ESYT3: variants seen among roughly 807,000 people sequenced by gnomAD.
The protein encoded by ESYT3 is extended synaptotagmin-3.
In ESYT3, 101 loss-of-function variants were observed where a neutral mutation model predicts 111.5. The ratio of observed to expected loss-of-function variants is 0.91; its 90% CI spans 0.77 to 1.07. The LOEUF is 1.07. Among genes scored for constraint, ESYT3 ranks in the 50% least tolerant of loss-of-function variants. The pLI is 0.00. For missense variants in ESYT3, 1,097 were observed against 1,109.4 expected, an observed-to-expected ratio of 0.99 and a Z score of 0.16; for synonymous variants, 416 against 446.8, an observed-to-expected ratio of 0.93 and a Z score of 0.87.
intron 1 of ESYT3, among the ~76,000 whole-genome samples, chr3:138,451,243 C>T (rs1447297401): frequency 6.6e-6 from 1 of 152,116 alleles, no homozygotes. Flanking sequence ...GGGTTGTGAC[C>T]CCGTAGTTGG....
chr3:138,445,253 T>C (rs2031458558), intron 1 of ESYT3, among the ~76,000 whole-genome samples: 3 of 152,364 alleles, frequency 2.0e-5, no homozygotes, highest in African/African-American at 7.2e-5. Flanking sequence ...TCAGTGATTT[T>C]AGGGCTCAGT....
intron 1 of ESYT3, among the ~76,000 whole-genome samples, chr3:138,450,401 C>G (rs942790187): frequency 6.6e-6 from 1 of 152,196 alleles, no homozygotes; most frequent in African/African-American, 2.4e-5. Flanking sequence ...CTGAACTGAG[C>G]TCCTGCCCAC....
chr3:138,473,250 G>A, intron 18 of ESYT3: 1 of 779,064 alleles, frequency 1.3e-6, no homozygotes, highest in Non-Finnish European at 1.8e-6. Context: ...AACCCTACAA[G>A]ATGGAACTAT....
In ESYT3 at chr3:138,459,126, C is replaced by T. The variant is rs531646765; in HGVS notation, c.582-61C>T. The T allele has an allele frequency of 3.1e-5, 43 of 1,389,902 alleles. No homozygotes were observed. In the African/African-American group the frequency reaches 4.8e-4, roughly 15 times the overall value. 86.1% of individuals were successfully genotyped at this position (1,389,902 alleles called of 1,614,324 possible). ...GTGTGACACTGGGCAAGTTTCCCAA[C>T]CTTTCTGAGCAAGTGGACCTACCCC... On this transcript the variant is annotated intron_variant, in intron 4 of 22. Transcript: ENST00000389567.
intron 20 of ESYT3, chr3:138,474,780 G>A (rs908175894): frequency 3.2e-5 from 5 of 154,312 alleles, no homozygotes; most frequent in African/African-American, 1.2e-4. Flanking sequence ...TAGGTGATGG[G>A]TAGAGGAGAT....
In ESYT3 at chr3:138,472,856, T is replaced by C. The variant is rs201810544; in HGVS notation, c.2234T>C (p.Ile745Thr). Residue 745 changes from isoleucine (I) to threonine (T), a missense_variant, in exon 18 of 23, where the codon ATT becomes ACT. By Grantham distance (89) the Ile-to-Thr change is moderately conservative. Coordinates refer to ENST00000389567, the MANE Select transcript of ESYT3 (RefSeq NM_031913.5). Reference protein sequence around the residue: ...CFDLADISLNIEGGDLRRRQL... With the variant: ...CFDLADISLNTEGGDLRRRQL... Reference sequence around the variant, plus strand: ...GACCTGGCAGATATCAGCCTCAACATTGAGTATGCACCTCTCTGCTTAATC... The same window carrying C: ...GACCTGGCAGATATCAGCCTCAACACTGAGTATGCACCTCTCTGCTTAATC... 3.7e-4 allele frequency: 599 copies of C among 1,613,580 alleles called. 2 individuals are homozygous for C. Among genetic ancestry groups the C allele is most frequent in the Non-Finnish European group, 4.3e-4 (513 of 1,179,802 alleles).
At chr3:138,468,933 T>G in intron 14 of ESYT3, 52 bp downstream of exon 14, 5 of 1,577,982 alleles carry the variant, frequency 3.2e-6, no homozygotes, top group Non-Finnish European at 4.4e-6. Context: ...ACAGCTTCTC[T>G]CCCCAGAGTA....
intron 4 of ESYT3, 46 bp from the exon 5 acceptor site, chr3:138,459,141 G>T: frequency 1.4e-6 from 2 of 1,442,898 alleles, no homozygotes; most frequent in Non-Finnish European, 1.9e-6. Flanking sequence ...CTGAGCAAGT[G>T]GACCTACCCC....
chr3:138,443,982 T>C (rs2031355123), intron 1 of ESYT3, among the ~76,000 whole-genome samples: 1 of 152,196 alleles, frequency 6.6e-6, no homozygotes, highest in African/African-American at 2.4e-5. Flanking sequence ...TCTGGCTCCA[T>C]TTCCTCACTG....
chr3:138,437,324 T>G (rs918905821), intron 1 of ESYT3, among the ~76,000 whole-genome samples: 2 of 152,070 alleles, frequency 1.3e-5, no homozygotes, highest in African/African-American at 4.8e-5. Context: ...CAGCCCCCTT[T>G]CTCCTTGACA....
chr3:138,476,241 C>T lies in ESYT3; in HGVS notation c.2487C>T (p.Pro829=). 1 of 1,611,980 alleles carries T rather than the reference C, an allele frequency of 6.2e-7. No homozygotes were observed. The highest frequency in any genetic ancestry group is 8.5e-7 in the Non-Finnish European group (1 of 1,178,640). Residue 829 remains proline, a synonymous_variant, in exon 21 of 23, where the codon CCC becomes CCT. Coordinates refer to ENST00000389567, the MANE Select transcript of ESYT3 (RefSeq NM_031913.5). ...CCTAAAGATTTGAATTTTTTGTTCC[C>T]ATGGAAGAAGTAAAGAAGAGGTCAC... is the stretch of plus-strand genomic sequence containing the variant. The part of the protein sequence containing the change: ...LFDETFEFFV[P]MEEVKKRSLD...
intron 1 of ESYT3, among the ~76,000 whole-genome samples, chr3:138,437,891 G>A (rs1191689348): frequency 6.6e-6 from 1 of 152,140 alleles, no homozygotes; most frequent in East Asian, 1.9e-4. Flanking sequence ...TGAGAAACAG[G>A]TCTGGGGAGG....
chr3:138,462,865 G>A (rs112941412), intron 8 of ESYT3, among the ~76,000 whole-genome samples: 2,023 of 152,176 alleles, frequency 0.013, 18 homozygotes, highest in Non-Finnish European at 0.02. Context: ...GTTTTGCCAC[G>A]TTGGCCAGGC....
Position 138,434,851 on chromosome 3 carries a change from A to AG in ESYT3, c.54dup (p.Arg19AlafsTer73). 1 of 1,549,970 alleles carries AG rather than the reference A, an allele frequency of 6.5e-7. No individual in the cohort carries two copies. Among genetic ancestry groups the AG allele is most frequent in the African/African-American group, 1.4e-5 (1 of 73,118 alleles). On this transcript the variant is annotated frameshift_variant, in exon 1 of 23. Coordinates refer to ENST00000389567, the MANE Select transcript of ESYT3 (RefSeq NM_031913.5). LOFTEE classifies it high-confidence loss of function. Reference sequence around the variant, plus strand: ...GGGGCCCCCAGCGCCCTGGGAGCCCAGCGCACGCCGGGCCCCGAGCTGCGC... The same window carrying AG: ...GGGGCCCCCAGCGCCCTGGGAGCCCAGGCGCACGCCGGGCCCCGAGCTGCGC...
At chr3:138,476,750 G>T in intron 22 of ESYT3, 68 bp from the exon 23 acceptor site, 1 of 1,482,462 alleles carries the variant, frequency 6.7e-7, no homozygotes, top group Non-Finnish European at 9.4e-7. Context: ...GCAGGACTAG[G>T]CAGTTTGTCC....
chr3:138,460,335 G>A (rs770708933), intron 6 of ESYT3, among the ~76,000 whole-genome samples: 5 of 152,182 alleles, frequency 3.3e-5, no homozygotes, highest in Non-Finnish European at 7.3e-5. Context: ...TCCTACTCCT[G>A]TAGGGGTTCT....
chr3:138,454,367 G>A (rs1414293098), intron 2 of ESYT3, among the ~76,000 whole-genome samples: 1 of 152,008 alleles, frequency 6.6e-6, no homozygotes, highest in African/African-American at 2.4e-5. Context: ...GTGAAACCCT[G>A]TCTCTAACTA....
At chr3:138,453,414 A>G (rs1297371677) in intron 2 of ESYT3, among the ~76,000 whole-genome samples, 2 of 152,208 alleles carry the variant, frequency 1.3e-5, no homozygotes, top group Non-Finnish European at 2.9e-5. Flanking sequence ...CTCAGGAGGC[A>G]CTTGGCCAGT....
At position 138,435,656 on chromosome 3, in the gene ESYT3, CGGCG is replaced by C. The variant is rs1267832526; in HGVS notation, c.327+532_327+535del. ...GTGGCGGGTACGGCTGGGAGACCGACGGCGCCGGGCCCCGGGCCTCCTTCCCTCC... is the reference window on the plus strand; with the variant it reads ...GTGGCGGGTACGGCTGGGAGACCGACCCGGGCCCCGGGCCTCCTTCCCTCC... On this transcript the variant is annotated intron_variant, in intron 1 of 22. Coordinates refer to ENST00000389567, the MANE Select transcript of ESYT3 (RefSeq NM_031913.5). This position sits in a 1 kb window ranked among gnomAD's most constrained non-coding sequence, Gnocchi z 4.8. Among the ~76,000 whole-genome samples the C allele has an allele frequency of 1.3e-5, 2 of 151,198 alleles. No individual in the cohort carries two copies. Among genetic ancestry groups the C allele is most frequent in the African/African-American group, 4.9e-5 (2 of 41,146 alleles).
Sources: gnomAD v4.1 joint callset for allele counts (sites outside exome capture counted in the v4.1 genomes callset) on GRCh38, gnomAD v4.1.1 for gene constraint, Gnocchi (gnomAD v3.1) non-coding constraint, MANE v1.5 for transcripts, NCBI Gene and HGNC (gene_info 2026-07-23, HGNC 2026-07-21) for gene names.